Variants in OGN observed in about 807,000 individuals in gnomAD.
The protein encoded by OGN is mimecan.
A neutral mutation model predicts 30.8 loss-of-function variants in OGN; 19 were observed. The ratio of observed to expected loss-of-function variants is 0.62; its 90% CI spans 0.43 to 0.90. The LOEUF is 0.90. Among genes scored for constraint, OGN ranks in the 40% least tolerant of loss-of-function variants. OGN has a pLI of 0.00. For synonymous variants in OGN, 126 were observed against 128.3 expected (o/e 0.98, Z 0.12); for missense variants, 283 against 349.7 (o/e 0.81, Z 1.52).
chr9:92,387,449 A>G (rs1842481818), intron 5 of OGN, among the ~76,000 whole-genome samples: 1 of 151,696 alleles, frequency 6.6e-6, no homozygotes, highest in African/African-American at 2.4e-5. Context: ...AGCTTGATGC[A>G]GGTTTTTTCC....
At position 92,403,395 on chromosome 9, in the gene OGN, G is replaced by T. The variant is rs1175004287; in HGVS notation, c.13C>A (p.Gln5Lys). 5 of 1,603,594 alleles carry T rather than the reference G, an allele frequency of 3.1e-6. No individual in the cohort carries two copies. Among genetic ancestry groups the T allele is most frequent in the Non-Finnish European group, 4.3e-6 (5 of 1,175,692 alleles). MKTL[Q>K]STLLLLLLVP... Reference sequence around the variant, plus strand: ...AGCAGTAACAGGAGAAGTGTAGACTGCAGAGTCTTCATTTTAGCAAAAATC... The same window carrying T: ...AGCAGTAACAGGAGAAGTGTAGACTTCAGAGTCTTCATTTTAGCAAAAATC... Residue 5 changes from glutamine to lysine, a missense_variant, in exon 2 of 7, where the codon CAG becomes AAG. Gln to Lys is a moderately conservative substitution (Grantham distance 53, BLOSUM62 1). Transcript: ENST00000375561.
At chr9:92,402,489 G>C (rs550949455) in intron 2 of OGN, among the ~76,000 whole-genome samples, 1 of 152,112 alleles carries the variant, frequency 6.6e-6, no homozygotes, top group African/African-American at 2.4e-5. Flanking sequence ...CATACATAGT[G>C]GGCAACAGAT....
chr9:92,385,839 T>G (rs754968978), intron 6 of OGN, 49 bp from the exon 7 acceptor site: 11 of 1,585,648 alleles, frequency 6.9e-6, no homozygotes, highest in Non-Finnish European at 8.7e-6. Flanking sequence ...AATCAACCTT[T>G]CATATGCTAT....
At chr9:92,388,904 A>G (rs1008139342) in intron 5 of OGN, among the ~76,000 whole-genome samples, 6 of 151,798 alleles carry the variant, frequency 4.0e-5, no homozygotes, top group African/African-American at 1.5e-4. Context: ...TGAGTTCCTT[A>G]TAAGAAACAT....
At chr9:92,396,361 A>G (rs1455325421) in intron 3 of OGN, among the ~76,000 whole-genome samples, 12 of 151,604 alleles carry the variant, frequency 7.9e-5, no homozygotes, top group Admixed American at 7.9e-4. Context: ...ATATTTTAGA[A>G]TCAGCTTGTT....
intron 4 of OGN, 116 bp from the exon 5 acceptor site, chr9:92,390,172 A>G (rs1476250584): frequency 3.1e-6 from 2 of 636,380 alleles, no homozygotes; most frequent in Non-Finnish European, 5.4e-6. Context: ...AGTGCCTGGT[A>G]GACTGTTTAC....
rs1842368449 is a variant in OGN at position 92,385,086 on chromosome 9, T to C, written c.*534A>G. Reference sequence around the variant, plus strand: ...ACTATCTGCTATTTCTCAGACTAAGTGAAAAATTTAATAAAATAGCTGCCT... The same window carrying C: ...ACTATCTGCTATTTCTCAGACTAAGCGAAAAATTTAATAAAATAGCTGCCT... On this transcript the variant is annotated 3_prime_UTR_variant, in exon 7 of 7. Coordinates refer to ENST00000375561, the MANE Select transcript of OGN (RefSeq NM_014057.5). 4 of 152,618 alleles carry C rather than the reference T, an allele frequency of 2.6e-5. No homozygotes were observed. Among genetic ancestry groups the C allele is most frequent in the African/African-American group, 7.2e-5 (3 of 41,434 alleles). 9.5% of individuals were successfully genotyped at this position (152,618 alleles called of 1,614,324 possible).
At chr9:92,393,044 T>G (rs769054671) in intron 4 of OGN, 42 bp downstream of exon 4, 1 of 1,533,064 alleles carries the variant, frequency 6.5e-7, no homozygotes, top group South Asian at 1.2e-5. Flanking sequence ...AGTTAAATAC[T>G]AATACGAGTT....
In OGN at chr9:92,393,141, A is replaced by G; in HGVS notation, c.372T>C (p.Leu124=). ...VPPLPKESAY[L]YARFNKIKKL... ...TTTTAATTTTGTTGAATCGTGCGTAAAGATAGGCTGATTCCTTTGGTAAGG... is the reference window on the plus strand; with the variant it reads ...TTTTAATTTTGTTGAATCGTGCGTAGAGATAGGCTGATTCCTTTGGTAAGG... The change falls in exon 4 of 7, where the codon CTT becomes CTC. Residue 124 remains leucine (L), a synonymous_variant. Coordinates refer to ENST00000375561, the MANE Select transcript of OGN (RefSeq NM_014057.5). The G allele has an allele frequency of 6.2e-7, 1 of 1,613,954 alleles. No individual in the cohort carries two copies. Among genetic ancestry groups the G allele is most frequent in the Non-Finnish European group, 8.5e-7 (1 of 1,179,924 alleles).
Position 92,383,690 on chromosome 9 carries a change from A to C in OGN, c.*1930T>G, listed in dbSNP as rs1399182478. Among the ~76,000 whole-genome samples, 1 of 152,132 alleles carries C rather than the reference A, an allele frequency of 6.6e-6. No individual in the cohort carries two copies. Among genetic ancestry groups the C allele is most frequent in the Non-Finnish European group, 1.5e-5 (1 of 67,998 alleles). On this transcript the variant is annotated 3_prime_UTR_variant, in exon 7 of 7. Coordinates refer to ENST00000375561, the MANE Select transcript of OGN (RefSeq NM_014057.5). ...ATGAAGGTGTAAGGTATGCATGTTC[A>C]TATATATCCTCTTATCTAGAAATCC...
At position 92,389,994 on chromosome 9, in the gene OGN, A is replaced by G. The variant is rs143663646; in HGVS notation, c.490T>C (p.Ser164Pro). The G allele has an allele frequency of 1.1e-4, 177 of 1,610,270 alleles. No individual in the cohort carries two copies. Among genetic ancestry groups the G allele is most frequent in the Non-Finnish European group, 1.4e-4 (170 of 1,176,998 alleles). The change falls in exon 5 of 7, where the codon TCA becomes CCA. Residue 164 changes from serine (S) to proline (P), a missense_variant. Coordinates refer to ENST00000375561, the MANE Select transcript of OGN (RefSeq NM_014057.5). ...AGTTCTTCTAACAGAGAAAGTTTTG[A>G]AAAAGTACCATCTTCTATATCTTCT... ...LIEDIEDGTF[S>P]KLSLLEELSL...
chr9:92,397,737 G>A (rs909903822), intron 3 of OGN, among the ~76,000 whole-genome samples: 11 of 152,208 alleles, frequency 7.2e-5, no homozygotes, highest in Non-Finnish European at 1.5e-4. Flanking sequence ...TCAGCAGAGA[G>A]AGCTAGGAAA....
At chr9:92,389,141 A>T (rs1298197507) in intron 5 of OGN, among the ~76,000 whole-genome samples, 1 of 152,152 alleles carries the variant, frequency 6.6e-6, no homozygotes, top group Non-Finnish European at 1.5e-5. Context: ...GAATGAGATT[A>T]TGTCTGTTAC....
chr9:92,399,304 G>A (rs990022876), intron 3 of OGN, among the ~76,000 whole-genome samples: 9 of 151,970 alleles, frequency 5.9e-5, no homozygotes, highest in Non-Finnish European at 8.8e-5. Flanking sequence ...ATGTCTCTGT[G>A]TGAGATTGAA....
chr9:92,397,894 C>T (rs1012389281), intron 3 of OGN, among the ~76,000 whole-genome samples: 3 of 152,042 alleles, frequency 2.0e-5, no homozygotes, highest in Admixed American at 6.5e-5. Flanking sequence ...CAGAGAGAAA[C>T]ATTTCTATAT....
intron 3 of OGN, among the ~76,000 whole-genome samples, chr9:92,395,018 CT>C (rs537929107): frequency 1.3e-5 from 2 of 151,936 alleles, no homozygotes; most frequent in Admixed American, 6.6e-5. Flanking sequence ...CCCTTTCAAG[CT>C]TTTTTTTCCT....
At chr9:92,396,366 C>T (rs1029085158) in intron 3 of OGN, among the ~76,000 whole-genome samples, 3 of 151,138 alleles carry the variant, frequency 2.0e-5, no homozygotes, top group Non-Finnish European at 4.4e-5. Flanking sequence ...TTAGAATCAG[C>T]TTGTTAATTA....
intron 4 of OGN, 86 bp downstream of exon 4, chr9:92,393,000 A>G: frequency 9.6e-7 from 1 of 1,038,520 alleles, no homozygotes; most frequent in South Asian, 1.8e-5. Flanking sequence ...TGAATGTGAT[A>G]GGCAGCAACT....
At chr9:92,398,959 G>A (rs939057220) in intron 3 of OGN, among the ~76,000 whole-genome samples, 1 of 151,982 alleles carries the variant, frequency 6.6e-6, no homozygotes, top group African/African-American at 2.4e-5. Context: ...CTACTCGGAG[G>A]CTGAAGCAGG....
Sources: gnomAD v4.1 joint callset for allele counts (sites outside exome capture counted in the v4.1 genomes callset) on GRCh38, gnomAD v4.1.1 for gene constraint, MANE v1.5 for transcripts, NCBI Gene and HGNC (gene_info 2026-07-23, HGNC 2026-07-21) for gene names.